HHIPL1: variants seen among roughly 807,000 people sequenced by gnomAD.
HHIPL1 encodes HHIP like 1.
HHIPL1 carries 43 observed loss-of-function variants against 61.8 expected under a neutral mutation model. The ratio of observed to expected loss-of-function variants is 0.70; its 90% confidence interval spans 0.55 to 0.90. The LOEUF (loss-of-function observed/expected upper bound fraction) is 0.90, where lower values mean the gene tolerates loss of function less well. Ranked by LOEUF, HHIPL1 falls within the 40% of genes least tolerant of loss-of-function variation. The pLI is 0.00. For missense variants in HHIPL1, 1,056 were observed against 1,157.7 expected (o/e 0.91, Z 1.28); for synonymous variants, 482 against 515.8 (o/e 0.93, Z 0.89).
chr14:99,650,440 C>T lies in HHIPL1; in HGVS notation c.256-1784C>T, dbSNP rs114231401. Among the ~76,000 whole-genome samples the T allele has an allele frequency of 4.4e-3, 669 of 152,320 alleles. 2 individuals carry two copies. The highest frequency in any genetic ancestry group is 0.015 in the African/African-American group (635 of 41,564). On this transcript the variant is annotated intron_variant, in intron 1 of 8. Transcript: ENST00000330710. ...CAGTCACAGATAGAAAGAATGACCA[C>T]GCCACAGGCCGGCGGCTCTAACAGG... is the stretch of plus-strand genomic sequence containing the variant.
At chr14:99,659,926 G>A (rs1374356103) in intron 4 of HHIPL1, among the ~76,000 whole-genome samples, 170 bp downstream of exon 4, 1 of 146,748 alleles carries the variant, frequency 6.8e-6, no homozygotes, top group East Asian at 2.1e-4. Flanking sequence ...GCCTCACTCG[G>A]GGACCACCCG....
chr14:99,639,396 C>G, the HHIPL1 span, among the ~76,000 whole-genome samples: 94 of 152,252 alleles, frequency 6.2e-4, no homozygotes, highest in Non-Finnish European at 1.1e-3. Flanking sequence ...GTCACCCAGG[C>G]TGAAGTGCAG....
Position 99,652,418 on chromosome 14 carries a change from C to T in HHIPL1, c.450C>T (p.Ser150=), listed in dbSNP as rs1410257179. The T allele has an allele frequency of 2.7e-5, 44 of 1,614,080 alleles. No homozygotes were observed. Among genetic ancestry groups the T allele is most frequent in the Non-Finnish European group, 3.6e-5 (43 of 1,180,044 alleles). ...TTGCCAGGTTCTGCCGCTACCTGTC[C>T]CTGGATGACACGGACTACTGCTTCC... ...GNLARFCRYL[S]LDDTDYCFPY... The change falls in exon 2 of 9, where the codon TCC becomes TCT. Residue 150 remains serine, a synonymous_variant. Transcript: ENST00000330710.
intron 1 of HHIPL1, among the ~76,000 whole-genome samples, chr14:99,650,425 TAGAA>T (rs1474920954): frequency 6.6e-6 from 1 of 152,038 alleles, no homozygotes; most frequent in Non-Finnish European, 1.5e-5. Flanking sequence ...CAGTCACAGA[TAGAA>T]AGAATGACCA....
At chr14:99,608,318 A>G in the HHIPL1 span, among the ~76,000 whole-genome samples, 1 of 152,122 alleles carries the variant, frequency 6.6e-6, no homozygotes, top group Non-Finnish European at 1.5e-5. Context: ...ACAATAACCA[A>G]CACCACCTGC....
At chr14:99,608,565 A>G in the HHIPL1 span, among the ~76,000 whole-genome samples, 1 of 152,220 alleles carries the variant, frequency 6.6e-6, no homozygotes, top group East Asian at 1.9e-4. Flanking sequence ...TGGTAGCTGA[A>G]TCTTCTTCAG....
chr14:99,669,149 C>T (rs886691049), intron 7 of HHIPL1: 1 of 1,363,280 alleles, frequency 7.3e-7, no homozygotes, highest in African/African-American at 1.5e-5. Context: ...GACTCTCTCC[C>T]AGCTGCTCTG....
chr14:99,675,346 T>A lies in HHIPL1; in HGVS notation c.2069T>A (p.Val690Glu), dbSNP rs1280751393. The A allele has an allele frequency of 1.4e-5, 21 of 1,463,850 alleles. No homozygotes were observed. Among genetic ancestry groups the A allele is most frequent in the Non-Finnish European group, 1.9e-5 (21 of 1,108,022 alleles). 90.7% of individuals were successfully genotyped at this position (1,463,850 alleles called of 1,614,324 possible). A position where few individuals can be genotyped will look rare whatever the true frequency, so the allele number is the denominator to read the frequency against. ...GLSSGSGRVE[V>E]FVGGRWGTVC... is the part of the protein sequence containing the mutation. ...AGCTCTGGCAGCGGGCGCGTGGAGG[T>A]GTTCGTGGGCGGACGCTGGGGCACC... Residue 690 changes from valine to glutamate, a missense_variant, in exon 9 of 9, where the codon GTG becomes GAG. Val to Glu is a moderately radical substitution (Grantham distance 121). Transcript: ENST00000330710. This position sits in a 1 kb window ranked among gnomAD's most constrained non-coding sequence, Gnocchi z 5.4.
At chr14:99,611,606 T>TAA in the HHIPL1 span, among the ~76,000 whole-genome samples, 119 of 145,702 alleles carry the variant, frequency 8.2e-4, no homozygotes, top group South Asian at 2.8e-3. Flanking sequence ...TTTTTTTTTT[T>TAA]AAAGAAAGAT....
rs769002710 is a variant in HHIPL1 at position 99,659,411 on chromosome 14, TC to T, written c.1047-14del. The T allele has an allele frequency of 4.9e-6, 7 of 1,419,840 alleles. No individual in the cohort carries two copies. The highest frequency in any genetic ancestry group is 4.6e-6 in the Non-Finnish European group (5 of 1,090,272). The allele number at this position is 1,419,840 out of a possible 1,614,324, so 88.0% of individuals were successfully genotyped here. A position where few individuals can be genotyped will look rare whatever the true frequency, so the allele number is the denominator to read the frequency against. On this transcript the variant is annotated splice_polypyrimidine_tract_variant and intron_variant, in intron 3 of 8. Coordinates refer to ENST00000330710, the MANE Select transcript of HHIPL1 (RefSeq NM_001127258.3). Reference sequence around the variant, plus strand: ...CAGGGCGACCCCGAGCCGCGCCCTCTCCCACCCCGCCCGCAGGTCGGCGCTG... The same window carrying T: ...CAGGGCGACCCCGAGCCGCGCCCTCTCCACCCCGCCCGCAGGTCGGCGCTG...
the HHIPL1 span, among the ~76,000 whole-genome samples, chr14:99,626,879 C>A: frequency 5.3e-4 from 80 of 152,324 alleles, no homozygotes; most frequent in African/African-American, 1.8e-3. Context: ...GCATCCCAGC[C>A]ACCCTGCAGA....
At chr14:99,619,611 T>C in the HHIPL1 span, among the ~76,000 whole-genome samples, 1 of 152,118 alleles carries the variant, frequency 6.6e-6, no homozygotes, top group African/African-American at 2.4e-5. Context: ...TCACCACCTC[T>C]GAGTTCTGGA....
chr14:99,673,890 G>T (rs1204183788), intron 8 of HHIPL1, among the ~76,000 whole-genome samples: 1 of 121,346 alleles, frequency 8.2e-6, no homozygotes, highest in African/African-American at 3.1e-5. Context: ...GGGTGCACCT[G>T]GGGGAGTGCA....
chr14:99,626,979 C>A, the HHIPL1 span, among the ~76,000 whole-genome samples: 3 of 152,152 alleles, frequency 2.0e-5, no homozygotes, highest in Non-Finnish European at 4.4e-5. Context: ...GGGGGAGCAC[C>A]AGGGACTGTG....
At chr14:99,650,645 C>G (rs1206693551) in intron 1 of HHIPL1, among the ~76,000 whole-genome samples, 1 of 152,238 alleles carries the variant, frequency 6.6e-6, no homozygotes, top group Non-Finnish European at 1.5e-5. Flanking sequence ...CTTCTGCTGT[C>G]TCTGCTTCCA....
At chr14:99,658,313 C>T (rs1256240556) in intron 3 of HHIPL1, among the ~76,000 whole-genome samples, 1 of 152,074 alleles carries the variant, frequency 6.6e-6, no homozygotes, top group Non-Finnish European at 1.5e-5. Context: ...GCATGTGACG[C>T]GTGGGTTCAG....
the HHIPL1 span, among the ~76,000 whole-genome samples, chr14:99,638,715 A>G: frequency 6.6e-6 from 1 of 152,236 alleles, no homozygotes; most frequent in African/African-American, 2.4e-5. Context: ...CCCTTGTGCC[A>G]GGCAGCCTTT....
intron 1 of HHIPL1, among the ~76,000 whole-genome samples, chr14:99,649,210 C>T (rs1461857585): frequency 6.6e-6 from 1 of 152,202 alleles, no homozygotes; most frequent in Non-Finnish European, 1.5e-5. Flanking sequence ...CCGAGGTCTT[C>T]GGCCTGGCTC....
intron 6 of HHIPL1, among the ~76,000 whole-genome samples, chr14:99,666,978 C>A (rs1227324470): frequency 6.8e-6 from 1 of 146,838 alleles, no homozygotes; most frequent in Non-Finnish European, 1.5e-5. Context: ...TGCCTTGCTT[C>A]TCAGACCCCA....
Sources: allele counts gnomAD v4.1 joint callset (sites outside exome capture counted in the v4.1 genomes callset), GRCh38; gene constraint gnomAD v4.1.1; non-coding constraint Gnocchi (gnomAD v3.1); transcripts MANE v1.5; gene names NCBI Gene and HGNC (gene_info 2026-07-23, HGNC 2026-07-21).